The following STXBP6 variants were observed in gnomAD, a reference collection of about 807,000 sequenced individuals.
The protein encoded by STXBP6 is syntaxin binding protein 6.
In STXBP6, 21 loss-of-function variants were observed where a neutral mutation model predicts 26.9. That is an observed-to-expected ratio of 0.78 (90% confidence interval 0.55 to 1.12). STXBP6 has a LOEUF of 1.12. Ranked by LOEUF, STXBP6 falls within the 50% of genes most tolerant of loss-of-function variation. The probability of loss-of-function intolerance (pLI) is 0.00; values close to 1 mark genes in which losing one functional copy is unlikely to be tolerated. For synonymous variants in STXBP6, 97 were observed against 92.6 expected (o/e 1.05, Z -0.27); for missense variants, 232 against 257.9 (o/e 0.90, Z 0.69).
At chr14:24,848,212 C>T (rs2069029364) in intron 4 of STXBP6, among the ~76,000 whole-genome samples, 1 of 152,066 alleles carries the variant, frequency 6.6e-6, no homozygotes, top group African/African-American at 2.4e-5. Flanking sequence ...TTTGATTTAA[C>T]CCTTTATAAT....
intron 2 of STXBP6, among the ~76,000 whole-genome samples, chr14:24,950,886 T>TC (rs1214834812): frequency 6.6e-6 from 1 of 151,916 alleles, no homozygotes; most frequent in Admixed American, 6.6e-5. Flanking sequence ...ATGCTATCCC[T>TC]CCCCCAGTCC....
At chr14:24,957,083 G>A (rs967028038) in intron 2 of STXBP6, among the ~76,000 whole-genome samples, 12 of 152,136 alleles carry the variant, frequency 7.9e-5, no homozygotes, top group African/African-American at 2.7e-4. Context: ...CTCTTTGCTA[G>A]TGGTCTTACT....
intron 2 of STXBP6, among the ~76,000 whole-genome samples, chr14:24,860,076 A>G (rs756764989): frequency 7.2e-5 from 11 of 152,184 alleles, no homozygotes; most frequent in Non-Finnish European, 1.2e-4. Flanking sequence ...AATATCCAAA[A>G]TATCACTGCC....
rs554031445 is a variant in STXBP6 at position 24,990,178 on chromosome 14, C to T, written c.-32-15328G>A. ...GTAGGAAATGAGTTACGAGCCAGGC[C>T]GGGGAAGGGTCATGCCTCAGAATGT... is the stretch of plus-strand genomic sequence containing the variant. On this transcript the variant is annotated intron_variant, in intron 1 of 5. Coordinates refer to ENST00000323944, the MANE Select transcript of STXBP6 (RefSeq NM_001394410.1). Among the ~76,000 whole-genome samples the T allele has an allele frequency of 3.9e-5, 6 of 152,198 alleles. No homozygotes were observed. The East Asian group carries it at 5.8e-4, about 15-fold the overall frequency.
At chr14:25,030,298 G>C (rs1477314136) in intron 1 of STXBP6, among the ~76,000 whole-genome samples, 1 of 152,162 alleles carries the variant, frequency 6.6e-6, no homozygotes, top group Non-Finnish European at 1.5e-5. Flanking sequence ...CCCAATATGA[G>C]GGGAAAAGGC....
At chr14:24,961,008 C>A (rs960258362) in intron 2 of STXBP6, among the ~76,000 whole-genome samples, 3 of 152,150 alleles carry the variant, frequency 2.0e-5, no homozygotes, top group Non-Finnish European at 4.4e-5. Context: ...TTTCTGCAGG[C>A]CCCATTTTTT....
intron 2 of STXBP6, among the ~76,000 whole-genome samples, chr14:24,860,854 G>A (rs1211220104): frequency 1.3e-5 from 2 of 149,556 alleles, no homozygotes. Flanking sequence ...GTTTAGGGTG[G>A]CTAAAAATAA....
At chr14:24,875,821 C>T (rs374556446) in intron 2 of STXBP6, among the ~76,000 whole-genome samples, 71 of 151,718 alleles carry the variant, frequency 4.7e-4, no homozygotes, top group African/African-American at 1.6e-3. Context: ...GTAAGGGTGG[C>T]GGGAGGGGAA....
At chr14:25,002,359 CTTTTT>C (rs747010332) in intron 1 of STXBP6, among the ~76,000 whole-genome samples, 4 of 121,350 alleles carry the variant, frequency 3.3e-5, no homozygotes, top group East Asian at 2.2e-4. Context: ...ATTCTTATGA[CTTTTT>C]TTTTTTTTTT....
chr14:24,954,526 T>C (rs1437701925), intron 2 of STXBP6, among the ~76,000 whole-genome samples: 1 of 152,122 alleles, frequency 6.6e-6, no homozygotes, highest in East Asian at 1.9e-4. Flanking sequence ...CTAGTGCCTT[T>C]TTGCTAAGAG....
intron 2 of STXBP6, among the ~76,000 whole-genome samples, chr14:24,893,888 G>C (rs1246262039): frequency 6.6e-6 from 1 of 151,892 alleles, no homozygotes; most frequent in Non-Finnish European, 1.5e-5. Flanking sequence ...TTCCTCTTTT[G>C]GGTTAGTGGC....
At chr14:24,860,410 G>A (rs943311501) in intron 2 of STXBP6, among the ~76,000 whole-genome samples, 10 of 152,224 alleles carry the variant, frequency 6.6e-5, no homozygotes, top group Admixed American at 6.5e-4. Flanking sequence ...TGTGAAATGG[G>A]AGAAGAGCTC....
At chr14:25,034,570 G>A (rs1214776024) in intron 1 of STXBP6, among the ~76,000 whole-genome samples, 1 of 152,170 alleles carries the variant, frequency 6.6e-6, no homozygotes, top group African/African-American at 2.4e-5. Context: ...ACAGCACAGT[G>A]CAGTGGTCAA....
chr14:24,913,919 G>T (rs2139748261), intron 2 of STXBP6, among the ~76,000 whole-genome samples: 1 of 152,214 alleles, frequency 6.6e-6, no homozygotes, highest in East Asian at 1.9e-4. Flanking sequence ...CAGCTGATAG[G>T]CAGTTTGGCC....
intron 1 of STXBP6, among the ~76,000 whole-genome samples, chr14:24,997,592 C>A (rs2074637613): frequency 6.6e-6 from 1 of 152,198 alleles, no homozygotes; most frequent in Non-Finnish European, 1.5e-5. Context: ...TATCCCCAAT[C>A]CAGAGCTAAG....
chr14:25,006,822 A>G (rs2074910535), intron 1 of STXBP6, among the ~76,000 whole-genome samples: 2 of 152,108 alleles, frequency 1.3e-5, no homozygotes, highest in South Asian at 4.1e-4. Flanking sequence ...CAACTCTAGA[A>G]GCTGGCTTTC....
chr14:24,825,735 T>C (rs1351988541), intron 4 of STXBP6, among the ~76,000 whole-genome samples: 1 of 152,158 alleles, frequency 6.6e-6, no homozygotes. Context: ...GAGTTCATAC[T>C]CTCCTCTCAA....
intron 1 of STXBP6, among the ~76,000 whole-genome samples, chr14:24,992,155 C>T (rs896692988): frequency 6.6e-6 from 1 of 152,208 alleles, no homozygotes; most frequent in Non-Finnish European, 1.5e-5. Context: ...TATTATGGAG[C>T]TGAAAAAGCA....
At chr14:24,964,439 G>T (rs1463610621) in intron 2 of STXBP6, among the ~76,000 whole-genome samples, 1 of 152,150 alleles carries the variant, frequency 6.6e-6, no homozygotes, top group Non-Finnish European at 1.5e-5. Context: ...GGTTTAGCAT[G>T]ACTGGAACTG....
Sources: allele counts gnomAD v4.1 joint callset (sites outside exome capture counted in the v4.1 genomes callset), GRCh38; gene constraint gnomAD v4.1.1; transcripts MANE v1.5; gene names NCBI Gene and HGNC (gene_info 2026-07-23, HGNC 2026-07-21).